Variants in CASK observed in about 807,000 individuals in gnomAD.
CASK encodes the protein calcium/calmodulin dependent serine protein kinase.
In CASK, 4 loss-of-function variants were observed where a neutral mutation model predicts 82.9. The observed-to-expected ratio is 0.05, with a 90% CI of 0.02 to 0.11. CASK has a LOEUF of 0.11. CASK is among the 10% of genes least tolerant of loss of function. CASK has a pLI of 1.00. For synonymous variants in CASK, 259 were observed against 253.5 expected (o/e 1.02, Z -0.20); for missense variants, 358 against 720.9 (o/e 0.50, Z 5.76).
intron 2 of CASK, among the ~76,000 whole-genome samples, chrX:41,842,239 TTATGCCAGGGTTACAC>T (rs2071054544): frequency 8.9e-6 from 1 of 111,816 alleles, no homozygotes; most frequent in Admixed American, 9.5e-5. Flanking sequence ...ATGTCTATCC[TTATGCCAGGGTTACAC>T]TATGTGTATT....
intron 4 of CASK, among the ~76,000 whole-genome samples, chrX:41,740,142 T>A (rs1002839772): frequency 1.8e-5 from 2 of 111,930 alleles, no homozygotes; most frequent in African/African-American, 6.5e-5. Flanking sequence ...GTAATGGGGT[T>A]AACTAGCAAC....
At chrX:41,552,070 G>A (rs1344744370) in intron 21 of CASK, among the ~76,000 whole-genome samples, 2 of 104,167 alleles carry the variant, frequency 1.9e-5, no homozygotes, top group Non-Finnish European at 2.0e-5. Context: ...GGGATTATAG[G>A]TGCCTGCCAT....
At chrX:41,856,072 A>C (rs2071364606) in intron 1 of CASK, among the ~76,000 whole-genome samples, 2 of 112,373 alleles carry the variant, frequency 1.8e-5, no homozygotes, top group African/African-American at 6.5e-5. Flanking sequence ...TCTAGTTTTC[A>C]TTTATGTGAA....
At chrX:41,865,948 G>C (rs2071584076) in intron 1 of CASK, among the ~76,000 whole-genome samples, 1 of 112,136 alleles carries the variant, frequency 8.9e-6, no homozygotes, top group Non-Finnish European at 1.9e-5. Flanking sequence ...TAAGCCATGA[G>C]GTGGAGGGCA....
intron 14 of CASK, among the ~76,000 whole-genome samples, chrX:41,582,748 C>G (rs772112101): frequency 6.1e-4 from 68 of 112,232 alleles, no homozygotes; most frequent in African/African-American, 2.1e-3. Context: ...CTACAAAGCT[C>G]TTTCCTGTCT....
At chrX:41,565,164 G>A (rs1056485787) in intron 16 of CASK, among the ~76,000 whole-genome samples, 5 of 111,479 alleles carry the variant, frequency 4.5e-5, no homozygotes, top group Non-Finnish European at 9.4e-5. Flanking sequence ...CTAGCATCAC[G>A]ATTAAAAGAA....
chrX:41,639,143 G>A (rs1366149257), intron 8 of CASK, among the ~76,000 whole-genome samples: 1 of 104,227 alleles, frequency 9.6e-6, no homozygotes, highest in Non-Finnish European at 1.9e-5. Flanking sequence ...GCGCAATCTC[G>A]GCTCACTGCA....
At chrX:41,614,125 C>T (rs1290465666) in intron 11 of CASK, among the ~76,000 whole-genome samples, 2 of 111,921 alleles carry the variant, frequency 1.8e-5, no homozygotes, top group African/African-American at 6.5e-5. Context: ...TGGATATTGA[C>T]ATTGATACAG....
intron 5 of CASK, among the ~76,000 whole-genome samples, chrX:41,698,363 A>G (rs766149398): frequency 1.2e-4 from 14 of 112,085 alleles, no homozygotes; most frequent in African/African-American, 2.9e-4. Context: ...TGCAATTTTC[A>G]TGTACATTAA....
At chrX:41,791,907 A>G (rs2069730971) in intron 2 of CASK, among the ~76,000 whole-genome samples, 2 of 111,610 alleles carry the variant, frequency 1.8e-5, no homozygotes, top group Non-Finnish European at 3.8e-5. Context: ...CTATATGCCT[A>G]TATTTATTTT....
intron 1 of CASK, among the ~76,000 whole-genome samples, chrX:41,907,887 A>C (rs1046491994): frequency 9.0e-6 from 1 of 111,680 alleles, no homozygotes; most frequent in African/African-American, 3.3e-5. Context: ...TTAGATTCTC[A>C]TAAGGAACAT....
In CASK at chrX:41,725,774, TA is replaced by T. The variant is rs1049941649; in HGVS notation, c.429+13609del. Among the ~76,000 whole-genome samples the T allele has an allele frequency of 8.0e-5, 9 of 112,091 alleles. No individual in the cohort carries two copies. In the East Asian group the frequency reaches 1.1e-3, roughly 14 times the overall value. On this transcript the variant is annotated intron_variant, in intron 5 of 26. Transcript: ENST00000378163. ...GTTGTGATTAAAACATCATATCCTT[TA>T]AAAAAAATCCTCTGAAAAACTCAGA...
At chrX:41,869,812 C>CAAAAAA (rs72190097) in intron 1 of CASK, among the ~76,000 whole-genome samples, 127 of 12,102 alleles carry the variant, frequency 0.01, 16 homozygotes, top group Non-Finnish European at 0.013. Flanking sequence ...GACTCTGTCT[C>CAAAAAA]AAAAAAAAAA....
At chrX:41,832,681 C>A (rs1399945918) in intron 2 of CASK, among the ~76,000 whole-genome samples, 1 of 112,380 alleles carries the variant, frequency 8.9e-6, no homozygotes, top group African/African-American at 3.2e-5. Context: ...CTGGTTGCAC[C>A]ATATTTGTCC....
intron 7 of CASK, among the ~76,000 whole-genome samples, chrX:41,663,688 T>C (rs1289739241): frequency 8.9e-6 from 1 of 111,862 alleles, no homozygotes; most frequent in African/African-American, 3.2e-5. Flanking sequence ...TATTAGCAAA[T>C]GCCTATAACT....
intron 1 of CASK, among the ~76,000 whole-genome samples, chrX:41,869,289 C>T (rs957069466): frequency 1.7e-4 from 19 of 111,456 alleles, no homozygotes; most frequent in African/African-American, 2.9e-4. Context: ...TGAAAGGCTA[C>T]GCCTAGGGTG....
intron 3 of CASK, among the ~76,000 whole-genome samples, chrX:41,773,537 T>C (rs1388972450): frequency 1.8e-5 from 2 of 111,339 alleles, no homozygotes; most frequent in African/African-American, 3.3e-5. Flanking sequence ...GATTGAAGGA[T>C]GGTATTATAT....
intron 21 of CASK, among the ~76,000 whole-genome samples, chrX:41,545,153 G>A (rs1311152764): frequency 1.8e-5 from 2 of 110,630 alleles, no homozygotes; most frequent in African/African-American, 6.6e-5. Context: ...AGCCTCCTGA[G>A]TAGCTGGGAT....
chrX:41,831,729 C>A (rs190617200), intron 2 of CASK, among the ~76,000 whole-genome samples: 9 of 112,006 alleles, frequency 8.0e-5, no homozygotes, highest in Admixed American at 1.9e-4. Context: ...GAGGCCGAGG[C>A]GGGCTGATCA....
Sources: allele counts gnomAD v4.1 joint callset (sites outside exome capture counted in the v4.1 genomes callset), GRCh38; gene constraint gnomAD v4.1.1; transcripts MANE v1.5; gene names NCBI Gene and HGNC (gene_info 2026-07-23, HGNC 2026-07-21).